CAPZA2: variants seen among roughly 807,000 people sequenced by gnomAD.
The protein encoded by CAPZA2 is capping actin protein of muscle Z-line subunit alpha 2, also known as F-actin-capping protein subunit alpha-2.
Under a neutral mutation model 44.0 loss-of-function variants are expected in CAPZA2, and 13 were observed. That is an observed-to-expected ratio of 0.30 (90% CI 0.19 to 0.47). CAPZA2 has a LOEUF of 0.47. CAPZA2 is among the 20% of genes least tolerant of loss of function. CAPZA2 has a pLI of 1.00. For missense variants in CAPZA2, 244 were observed against 338.6 expected (o/e 0.72, Z 2.19); for synonymous variants, 94 against 108.2 (o/e 0.87, Z 0.81).
intron 2 of CAPZA2, among the ~76,000 whole-genome samples, chr7:116,892,643 A>T (rs1562960449): frequency 1.4e-5 from 2 of 143,116 alleles, no homozygotes; most frequent in Admixed American, 7.0e-5. Flanking sequence ...TGATGAGCTT[A>T]AAAAAAAAAA....
At position 116,921,707 on chromosome 7, in the gene CAPZA2, AGTG is replaced by A. The variant is rs1049364944; in HGVS notation, c.*3844_*3846del. On this transcript the variant is annotated 3_prime_UTR_variant, in exon 10 of 10. Transcript: ENST00000361183. ...AAAAAAAGAAAAAGGAAATGTAAGAAGTGGTGATTGGAGAATGGTGTGCTTAAT... is the reference window on the plus strand; with the variant it reads ...AAAAAAAGAAAAAGGAAATGTAAGAAGTGATTGGAGAATGGTGTGCTTAAT... The A allele has an allele frequency of 1.3e-5, 2 of 152,176 alleles. No individual in the cohort carries two copies. Among genetic ancestry groups the A allele is most frequent in the East Asian group, 1.9e-4 (1 of 5,188 alleles). 9.4% of individuals were successfully genotyped at this position (152,176 alleles called of 1,614,324 possible).
intron 2 of CAPZA2, among the ~76,000 whole-genome samples, chr7:116,889,155 A>G (rs1796800299): frequency 6.6e-6 from 1 of 152,240 alleles, no homozygotes; most frequent in Admixed American, 6.5e-5. Flanking sequence ...GACTGTAGCA[A>G]TAGCTGCTCC....
At chr7:116,895,959 A>G (rs1381684280) in intron 3 of CAPZA2, among the ~76,000 whole-genome samples, 2 of 152,134 alleles carry the variant, frequency 1.3e-5, no homozygotes, top group African/African-American at 4.8e-5. Flanking sequence ...GAGGCCATCC[A>G]AAACTACGTA....
chr7:116,914,432 T>TAC (rs71148345), intron 8 of CAPZA2, among the ~76,000 whole-genome samples: 45,530 of 145,010 alleles, frequency 0.31, 6,896 homozygotes, highest in East Asian at 0.44. Flanking sequence ...TATACATACA[T>TAC]ACACACACAC....
At chr7:116,895,335 TTTTA>T (rs2115938425) in intron 3 of CAPZA2, among the ~76,000 whole-genome samples, 1 of 151,866 alleles carries the variant, frequency 6.6e-6, no homozygotes, top group Admixed American at 6.5e-5. Context: ...AGTATGGGAC[TTTTA>T]TTTGTCCAAA....
At chr7:116,915,947 AT>A in intron 8 of CAPZA2, 112 bp from the exon 9 acceptor site, 1 of 723,664 alleles carries the variant, frequency 1.4e-6, no homozygotes, top group African/African-American at 1.9e-5. Context: ...ATTCTATGTC[AT>A]AATTTCCTTC....
chr7:116,917,652 T>C, intron 9 of CAPZA2, 75 bp from the exon 10 acceptor site: 1 of 1,041,214 alleles, frequency 9.6e-7, no homozygotes, highest in South Asian at 1.3e-5. Context: ...AAACTTATTC[T>C]GAAAACATCT....
intron 1 of CAPZA2, among the ~76,000 whole-genome samples, chr7:116,878,105 G>A (rs985700211): frequency 6.6e-6 from 1 of 152,186 alleles, no homozygotes; most frequent in African/African-American, 2.4e-5. Flanking sequence ...TAAGTTCAAG[G>A]TATCTTTGAG....
chr7:116,895,724 ACT>A (rs992309819), intron 3 of CAPZA2, among the ~76,000 whole-genome samples: 4 of 151,836 alleles, frequency 2.6e-5, no homozygotes, highest in Admixed American at 6.6e-5. Flanking sequence ...ATTTCTCAAA[ACT>A]CTCCATTTGA....
chr7:116,911,896 C>G (rs950970406), intron 7 of CAPZA2, among the ~76,000 whole-genome samples, 173 bp from the exon 8 acceptor site: 1 of 152,184 alleles, frequency 6.6e-6, no homozygotes, highest in African/African-American at 2.4e-5. Flanking sequence ...CTAGTCTCCT[C>G]ACTAGGCTGA....
chr7:116,869,124 A>G (rs192227418), intron 1 of CAPZA2, among the ~76,000 whole-genome samples: 78 of 152,352 alleles, frequency 5.1e-4, no homozygotes, highest in Middle Eastern at 3.4e-3. Flanking sequence ...TATGACCTAA[A>G]AGCCTAATCA....
Position 116,904,239 on chromosome 7 carries a change from C to T in CAPZA2, c.282C>T (p.Ile94=), listed in dbSNP as rs144500777. The T allele has an allele frequency of 3.7e-6, 6 of 1,613,788 alleles. No homozygotes were observed. Among genetic ancestry groups the T allele is most frequent in the Non-Finnish European group, 5.1e-6 (6 of 1,179,816 alleles). ...NGKFLDPKNR[I]CFKFDHLRKE... is the part of the protein sequence containing the mutation. Reference sequence around the variant, plus strand: ...AGTTTTTGGATCCAAAGAACAGAATCTGTTTTAAATTTGATCACTTAAGGA... The same window carrying T: ...AGTTTTTGGATCCAAAGAACAGAATTTGTTTTAAATTTGATCACTTAAGGA... Residue 94 remains isoleucine (I), a synonymous_variant, in exon 5 of 10, where the codon ATC becomes ATT. Coordinates refer to ENST00000361183, the MANE Select transcript of CAPZA2 (RefSeq NM_006136.3).
chr7:116,915,937 A>G (rs1858968), intron 8 of CAPZA2, 123 bp from the exon 9 acceptor site: 652,880 of 660,402 alleles, frequency 0.99, 322,759 homozygotes, highest in East Asian at 1. Flanking sequence ...TACAATATTT[A>G]TTCTATGTCA....
intron 6 of CAPZA2, 79 bp downstream of exon 6, chr7:116,906,421 A>G (rs981812326): frequency 2.7e-5 from 42 of 1,540,064 alleles, no homozygotes; most frequent in Non-Finnish European, 3.3e-5. Flanking sequence ...GATTTGGGCT[A>G]CACCTTGTTT....
intron 8 of CAPZA2, among the ~76,000 whole-genome samples, chr7:116,912,493 C>T (rs1791610867): frequency 6.6e-6 from 1 of 152,174 alleles, no homozygotes; most frequent in African/African-American, 2.4e-5. Flanking sequence ...CAGCCCTTCC[C>T]CCAGAACCCT....
chr7:116,899,615 A>C (rs1236809530), intron 4 of CAPZA2, among the ~76,000 whole-genome samples: 1 of 149,406 alleles, frequency 6.7e-6, no homozygotes, highest in Non-Finnish European at 1.5e-5. Context: ...GTAGAGTGTC[A>C]TTGTATTAAT....
intron 9 of CAPZA2, among the ~76,000 whole-genome samples, chr7:116,916,336 C>T (rs565105634): frequency 1.3e-5 from 2 of 152,240 alleles, no homozygotes; most frequent in South Asian, 4.1e-4. Context: ...TTTCAAAATA[C>T]TAAGACTAGG....
intron 3 of CAPZA2, among the ~76,000 whole-genome samples, chr7:116,897,729 TA>T (rs1796945460): frequency 6.6e-6 from 1 of 152,164 alleles, no homozygotes; most frequent in South Asian, 2.1e-4. Flanking sequence ...TCTATACATA[TA>T]TATGGTAATG....
At chr7:116,909,467 G>A (rs752315014) in intron 6 of CAPZA2, among the ~76,000 whole-genome samples, 7 of 151,978 alleles carry the variant, frequency 4.6e-5, no homozygotes, top group Non-Finnish European at 8.8e-5. Flanking sequence ...ATACCAGTTT[G>A]TAATTTCTCA....
Sources: gnomAD v4.1 joint callset for allele counts (sites outside exome capture counted in the v4.1 genomes callset) on GRCh38, gnomAD v4.1.1 for gene constraint, MANE v1.5 for transcripts, NCBI Gene and HGNC (gene_info 2026-07-23, HGNC 2026-07-21) for gene names.